TSGA10: variants seen among roughly 807,000 people sequenced by gnomAD.
TSGA10 encodes testis specific 10.
TSGA10 carries 43 observed loss-of-function variants against 96.6 expected under a neutral mutation model. The observed-to-expected ratio is 0.44, with a 90% CI of 0.35 to 0.57. TSGA10 has a LOEUF of 0.57. TSGA10 is among the 20% of genes least tolerant of loss of function. The pLI is 0.01. For synonymous variants in TSGA10, 229 were observed against 269.9 expected, an observed-to-expected ratio of 0.85 and a Z score of 1.48; for missense variants, 703 against 834.4, an observed-to-expected ratio of 0.84 and a Z score of 1.94.
At chr2:99,079,471 C>T (rs1453848732) in intron 11 of TSGA10, among the ~76,000 whole-genome samples, 1 of 152,180 alleles carries the variant, frequency 6.6e-6, no homozygotes, top group African/African-American at 2.4e-5. Flanking sequence ...GGGAAATGTA[C>T]ATTCTTATGC....
chr2:99,002,715 A>G (rs1337850219), intron 20 of TSGA10, among the ~76,000 whole-genome samples: 5 of 152,340 alleles, frequency 3.3e-5, no homozygotes, highest in South Asian at 2.1e-4. Flanking sequence ...GTCAAGACCC[A>G]TCAGTGTGCT....
At chr2:99,133,368 T>C (rs550006235) in intron 1 of TSGA10, among the ~76,000 whole-genome samples, 2 of 152,338 alleles carry the variant, frequency 1.3e-5, no homozygotes, top group South Asian at 2.1e-4. Flanking sequence ...TTGATCTTTG[T>C]TGGTTTAAAG....
chr2:99,009,428 C>T (rs1024655775), intron 20 of TSGA10, among the ~76,000 whole-genome samples: 3 of 151,576 alleles, frequency 2.0e-5, no homozygotes, highest in Admixed American at 6.6e-5. Flanking sequence ...AAAAATTAGC[C>T]GGGCATTGTG....
chr2:99,081,552 T>A (rs991549926), intron 10 of TSGA10, among the ~76,000 whole-genome samples, 155 bp from the exon 11 acceptor site: 5 of 152,144 alleles, frequency 3.3e-5, no homozygotes, highest in African/African-American at 1.2e-4. Context: ...ACCAGGAAGT[T>A]TAAAAAATAA....
At chr2:99,073,691 T>C (rs2086251900) in intron 12 of TSGA10, among the ~76,000 whole-genome samples, 1 of 152,146 alleles carries the variant, frequency 6.6e-6, no homozygotes, top group Non-Finnish European at 1.5e-5. Context: ...TATATTTTCC[T>C]TTTTCAAAGG....
chr2:99,020,966 A>T (rs2079953819), intron 17 of TSGA10, among the ~76,000 whole-genome samples: 1 of 149,314 alleles, frequency 6.7e-6, no homozygotes, highest in Admixed American at 6.7e-5. Context: ...GTAATTAAAT[A>T]TAATTATAAT....
intron 15 of TSGA10, among the ~76,000 whole-genome samples, chr2:99,068,071 G>A (rs930040238): frequency 2.6e-5 from 4 of 152,122 alleles, no homozygotes; most frequent in African/African-American, 9.7e-5. Context: ...ATCAGGAAGT[G>A]TAGGAAACCA....
chr2:99,095,664 C>G (rs2089958266), intron 10 of TSGA10, among the ~76,000 whole-genome samples: 1 of 152,152 alleles, frequency 6.6e-6, no homozygotes, highest in African/African-American at 2.4e-5. Flanking sequence ...AAAGATCAGA[C>G]AGAGTTTCGC....
chr2:99,101,900 G>T lies in TSGA10; in HGVS notation c.611+2067C>A, dbSNP rs1348625864. 4 of 594,110 alleles carry T rather than the reference G, an allele frequency of 6.7e-6. No individual in the cohort carries two copies. In the Admixed American group the frequency reaches 1.2e-4, roughly 18 times the overall value. The allele number at this position is 594,110 out of a possible 1,614,324, so 36.8% of individuals were successfully genotyped here. A position where few individuals can be genotyped will look rare whatever the true frequency, so the allele number is the denominator to read the frequency against. On this transcript the variant is annotated intron_variant, in intron 10 of 20. Transcript: ENST00000393483. ...AGGATTGACTGGAGGGGGAAATAGGGAGTGCTGTTCAAAGGATACAGAGGT... is the reference window on the plus strand; with the variant it reads ...AGGATTGACTGGAGGGGGAAATAGGTAGTGCTGTTCAAAGGATACAGAGGT...
intron 20 of TSGA10, among the ~76,000 whole-genome samples, chr2:99,015,005 G>A (rs1324355831): frequency 2.6e-5 from 4 of 151,976 alleles, no homozygotes; most frequent in African/African-American, 9.7e-5. Flanking sequence ...TAAAAAAATT[G>A]CCAATAAAAA....
intron 10 of TSGA10, among the ~76,000 whole-genome samples, chr2:99,082,151 A>G (rs1293294353): frequency 6.6e-6 from 1 of 152,228 alleles, no homozygotes; most frequent in Non-Finnish European, 1.5e-5. Flanking sequence ...GGAACAAACA[A>G]TGTGTGAAGT....
chr2:99,012,432 C>T (rs977450588), intron 20 of TSGA10, among the ~76,000 whole-genome samples: 3 of 152,134 alleles, frequency 2.0e-5, no homozygotes, highest in Non-Finnish European at 4.4e-5. Context: ...CTGCTATCTT[C>T]AAGAGACTCA....
intron 2 of TSGA10, chr2:99,125,077 T>G (rs1239998654): frequency 1.3e-5 from 2 of 152,198 alleles, no homozygotes. Flanking sequence ...TCCTGGTAAC[T>G]ACTGCTCTTT....
chr2:99,129,425 T>C (rs926286017), intron 1 of TSGA10, among the ~76,000 whole-genome samples: 2 of 152,190 alleles, frequency 1.3e-5, no homozygotes, highest in Non-Finnish European at 2.9e-5. Flanking sequence ...TTCCTCCTCT[T>C]TGGTAAACCG....
chr2:99,125,946 G>A (rs1046773848), intron 2 of TSGA10: 3 of 152,306 alleles, frequency 2.0e-5, no homozygotes, highest in Non-Finnish European at 2.9e-5. Context: ...ACCACAGCAA[G>A]AAGGAGTGCC....
chr2:99,003,975 T>TA (rs1488282361), intron 20 of TSGA10, among the ~76,000 whole-genome samples: 1 of 151,670 alleles, frequency 6.6e-6, no homozygotes, highest in Non-Finnish European at 1.5e-5. Flanking sequence ...AATAGAGACA[T>TA]AAAAAACCCT....
chr2:99,045,050 T>C (rs573183037), intron 16 of TSGA10, among the ~76,000 whole-genome samples: 70 of 152,300 alleles, frequency 4.6e-4, no homozygotes, highest in South Asian at 1.7e-3. Context: ...GAGAAATTTA[T>C]AGCACTAAAT....
chr2:99,059,974 G>A (rs1007035477), intron 16 of TSGA10, among the ~76,000 whole-genome samples: 2 of 147,342 alleles, frequency 1.4e-5, no homozygotes, highest in Non-Finnish European at 3.0e-5. Context: ...ATTCAAAGAT[G>A]AAACACTGAG....
At chr2:99,114,600 ATTTTCTAGAAATACTCT>A (rs1264162582) in intron 4 of TSGA10, among the ~76,000 whole-genome samples, 1 of 152,040 alleles carries the variant, frequency 6.6e-6, no homozygotes, top group African/African-American at 2.4e-5. Context: ...ATGAAGATCT[ATTTTCTAGAAATACTCT>A]TTGCCAAACC....
Sources: gnomAD v4.1 joint callset for allele counts (sites outside exome capture counted in the v4.1 genomes callset) on GRCh38, gnomAD v4.1.1 for gene constraint, MANE v1.5 for transcripts, NCBI Gene and HGNC (gene_info 2026-07-23, HGNC 2026-07-21) for gene names.